Variants in LRRC9 observed in about 807,000 individuals in gnomAD.
LRRC9 encodes leucine rich repeat containing 9, also known as leucine-rich repeat-containing protein 9.
In LRRC9, 122 loss-of-function variants were observed where a neutral mutation model predicts 63.2. That is an observed-to-expected ratio of 1.93 (90% CI 1.67 to 2.24). The LOEUF (loss-of-function observed/expected upper bound fraction) is 2.24, where lower values mean the gene tolerates loss of function less well. Ranked by LOEUF, LRRC9 falls within the 30% of genes most tolerant of loss-of-function variation. The pLI, the probability that LRRC9 is intolerant of heterozygous loss-of-function variation, is 0.00. For missense variants in LRRC9, 1,071 were observed against 627.7 expected (o/e 1.71, Z -7.55); for synonymous variants, 366 against 213.1 (o/e 1.72, Z -6.25).
intron 29 of LRRC9, among the ~76,000 whole-genome samples, chr14:60,049,106 A>G (rs890992389): frequency 2.6e-5 from 4 of 152,204 alleles, no homozygotes; most frequent in Non-Finnish European, 5.9e-5. Context: ...AAAATTCTCA[A>G]TAAACTAGTT....
intron 12 of LRRC9, among the ~76,000 whole-genome samples, chr14:59,971,791 C>T (rs529863675): frequency 6.6e-6 from 1 of 152,078 alleles, no homozygotes; most frequent in African/African-American, 2.4e-5. Context: ...TCCCTAATCC[C>T]ATTGCCTGCG....
At chr14:60,036,199 A>G (rs1892416853) in intron 29 of LRRC9, among the ~76,000 whole-genome samples, 1 of 151,962 alleles carries the variant, frequency 6.6e-6, no homozygotes, top group Admixed American at 6.6e-5. Context: ...CAAGACCCCA[A>G]CTCCTAATAA....
chr14:59,983,664 G>A (rs534052541), intron 16 of LRRC9, among the ~76,000 whole-genome samples: 1 of 152,300 alleles, frequency 6.6e-6, no homozygotes, highest in Admixed American at 6.5e-5. Flanking sequence ...CTAGAATATA[G>A]TGTTACAATG....
intron 29 of LRRC9, among the ~76,000 whole-genome samples, chr14:60,038,106 T>C (rs1050361040): frequency 2.6e-5 from 4 of 152,208 alleles, no homozygotes; most frequent in African/African-American, 9.6e-5. Flanking sequence ...AGGGGCTCTA[T>C]TCTGTTCCAT....
chr14:59,942,284 G>C lies in LRRC9; in HGVS notation c.727-2305G>C, dbSNP rs1881859704. Among the ~76,000 whole-genome samples the C allele has an allele frequency of 6.6e-6, 1 of 152,086 alleles. No individual in the cohort carries two copies. The highest frequency in any genetic ancestry group is 1.5e-5 in the Non-Finnish European group (1 of 68,004). On this transcript the variant is annotated intron_variant, in intron 7 of 31. Coordinates refer to ENST00000445360, the Ensembl canonical transcript of LRRC9. This position sits in a 1 kb window ranked among gnomAD's most constrained non-coding sequence, Gnocchi z 5.3. ...GTTAATTCTAAATCTTAGCTATTGTGAATAGTGCTGCAGTAAACGTGGGGG... is the reference window on the plus strand; with the variant it reads ...GTTAATTCTAAATCTTAGCTATTGTCAATAGTGCTGCAGTAAACGTGGGGG...
chr14:59,941,564 T>C (rs1594831128), intron 7 of LRRC9, among the ~76,000 whole-genome samples: 1 of 152,104 alleles, frequency 6.6e-6, no homozygotes, highest in South Asian at 2.1e-4. Flanking sequence ...TATTAAAACA[T>C]TATTTGTTGT....
Position 59,938,341 on chromosome 14 carries a change from A to G in LRRC9, c.544-49A>G, listed in dbSNP as rs945060482. On this transcript the variant is annotated intron_variant, in intron 6 of 31. Transcript: ENST00000445360. This position sits in a 1 kb window ranked among gnomAD's most constrained non-coding sequence, Gnocchi z 4.2. ...TCTTAGGTGTTCAAATACTGCCTTTAGAAATGACAGTCACAATTAACTGAA... is the reference window on the plus strand; with the variant it reads ...TCTTAGGTGTTCAAATACTGCCTTTGGAAATGACAGTCACAATTAACTGAA... The G allele has an allele frequency of 1.6e-6, 1 of 611,954 alleles. No homozygotes were observed. The allele number at this position is 611,954 out of a possible 1,614,324, so 37.9% of individuals were successfully genotyped here. A position where few individuals can be genotyped will look rare whatever the true frequency, so the allele number is the denominator to read the frequency against.
intron 8 of LRRC9, among the ~76,000 whole-genome samples, chr14:59,949,748 T>C (rs1882902500): frequency 6.6e-6 from 1 of 151,432 alleles, no homozygotes; most frequent in Admixed American, 6.6e-5. Context: ...CTTCATTTCG[T>C]TATGTACCCA....
chr14:59,985,987 C>T (rs1292478288), intron 17 of LRRC9, among the ~76,000 whole-genome samples: 1 of 151,910 alleles, frequency 6.6e-6, no homozygotes, highest in Non-Finnish European at 1.5e-5. Context: ...TCTCATGAAT[C>T]CCTATTTCTT....
At chr14:59,944,514 A>G (rs1882128883) in intron 7 of LRRC9, 75 bp from the exon 8 acceptor site, 11 of 504,412 alleles carry the variant, frequency 2.2e-5, no homozygotes, top group Non-Finnish European at 3.4e-5. Context: ...AACATACTGT[A>G]TTTATATAAT....
intron 18 of LRRC9, among the ~76,000 whole-genome samples, chr14:59,998,158 A>G (rs1046129403): frequency 1.8e-4 from 27 of 152,084 alleles, no homozygotes; most frequent in African/African-American, 6.5e-4. Flanking sequence ...TCAGTGTGCC[A>G]GAACTCTATT....
At position 59,932,997 on chromosome 14, in the gene LRRC9, T is replaced by C. The variant is rs1889831212; in HGVS notation, c.543+958T>C. On this transcript the variant is annotated intron_variant, in intron 6 of 31. Transcript: ENST00000445360. The surrounding 1 kb of genome is among the most constrained non-coding windows in gnomAD (Gnocchi z 4.7). ...CCCCTACCTATCTCTTTGACTACAG[T>C]TTCTACCACTCTCTCCTTTGTCCAG... Among the ~76,000 whole-genome samples the C allele has an allele frequency of 6.6e-6, 1 of 152,134 alleles. No individual in the cohort carries two copies. Among genetic ancestry groups the C allele is most frequent in the Non-Finnish European group, 1.5e-5 (1 of 68,010 alleles).
chr14:59,969,888 C>T (rs1452276714), intron 12 of LRRC9, among the ~76,000 whole-genome samples: 1 of 152,172 alleles, frequency 6.6e-6, no homozygotes, highest in African/African-American at 2.4e-5. Context: ...ATCTCTTCCT[C>T]TCTGCTCTGC....
chr14:60,032,346 A>C (rs1246156226), intron 29 of LRRC9, among the ~76,000 whole-genome samples: 1 of 152,054 alleles, frequency 6.6e-6, no homozygotes, highest in Non-Finnish European at 1.5e-5. Context: ...TTTTGTAGTA[A>C]GCCTTGATGT....
At chr14:59,933,125 C>G (rs1041526246) in intron 6 of LRRC9, among the ~76,000 whole-genome samples, 1 of 152,056 alleles carries the variant, frequency 6.6e-6, no homozygotes, top group Non-Finnish European at 1.5e-5. Context: ...CTCATTTCAT[C>G]GTTTATTTCA....
chr14:60,062,790 A>T (rs1894734398), intron 31 of LRRC9, among the ~76,000 whole-genome samples: 1 of 151,934 alleles, frequency 6.6e-6, no homozygotes, highest in African/African-American at 2.4e-5. Context: ...GCTCCTGCTC[A>T]TCTGTTAAAA....
At chr14:60,045,294 G>A (rs755971746) in intron 29 of LRRC9, among the ~76,000 whole-genome samples, 4 of 151,996 alleles carry the variant, frequency 2.6e-5, no homozygotes, top group Non-Finnish European at 5.9e-5. Flanking sequence ...AAGTTCAGGA[G>A]TACATGTGCA....
At chr14:60,041,141 T>C (rs558051019) in intron 29 of LRRC9, among the ~76,000 whole-genome samples, 3 of 152,170 alleles carry the variant, frequency 2.0e-5, no homozygotes, top group East Asian at 3.9e-4. Context: ...TTTAGTCTGA[T>C]GGGCTTCCCT....
At chr14:60,024,794 A>G (rs2140301651) in intron 27 of LRRC9, among the ~76,000 whole-genome samples, 1 of 152,086 alleles carries the variant, frequency 6.6e-6, no homozygotes, top group Non-Finnish European at 1.5e-5. Flanking sequence ...TATAGTATCC[A>G]ATAGGTAATT....
Sources: allele counts gnomAD v4.1 joint callset (sites outside exome capture counted in the v4.1 genomes callset), GRCh38; gene constraint gnomAD v4.1.1; non-coding constraint Gnocchi (gnomAD v3.1); transcripts MANE v1.5; gene names NCBI Gene and HGNC (gene_info 2026-07-23, HGNC 2026-07-21).